Variants in SH2D4B observed in about 807,000 individuals in gnomAD.
SH2D4B encodes SH2 domain containing 4B, also known as SH2 domain-containing protein 4B.
A neutral mutation model predicts 61.5 loss-of-function variants in SH2D4B; 45 were observed. The observed-to-expected ratio is 0.73, with a 90% confidence interval of 0.58 to 0.94. The LOEUF is 0.94. SH2D4B is among the 40% of genes least tolerant of loss of function. The pLI is 0.00. For missense variants in SH2D4B, 572 were observed against 574.2 expected (o/e 1.00, Z 0.04); for synonymous variants, 224 against 220.4 (o/e 1.02, Z -0.14).
At chr10:80,556,231 A>G (rs931664317) in intron 1 of SH2D4B, among the ~76,000 whole-genome samples, 2 of 152,140 alleles carry the variant, frequency 1.3e-5, no homozygotes, top group African/African-American at 4.8e-5. Context: ...GTTGAAAAGC[A>G]ATTGACCATG....
In SH2D4B at chr10:80,588,904, G is replaced by A. The variant is rs149983778; in HGVS notation, c.643+127G>A. On this transcript the variant is annotated intron_variant, in intron 4 of 7. Transcript: ENST00000646907. The stretch of plus-strand genomic sequence containing the variant: ...ACCCCATCAGCCTTTACTTGGACCC[G>A]GCCATGTGCTCAGTCCTGCTAAGAA... The A allele has an allele frequency of 2.2e-4, 254 of 1,155,762 alleles. 1 individual carries two copies. In the East Asian group the frequency reaches 5.2e-3, roughly 23 times the overall value. The allele number at this position is 1,155,762 out of a possible 1,614,324, so 71.6% of individuals were successfully genotyped here.
chr10:80,609,201 G>A (rs143263078), intron 5 of SH2D4B, among the ~76,000 whole-genome samples: 162 of 152,122 alleles, frequency 1.1e-3, no homozygotes, highest in African/African-American at 3.6e-3. Context: ...AAATGCCTTC[G>A]AGTACCTGGG....
rs190444726 is a variant in SH2D4B, at chr10:80,596,464, C to T, written c.644-7115C>T. Reference sequence around the variant, plus strand: ...TCAGGCTCAGACTCAATAGGGAGGTCGGGGCATCAGGCGCAAATGAAGGCT... The same window carrying T: ...TCAGGCTCAGACTCAATAGGGAGGTTGGGGCATCAGGCGCAAATGAAGGCT... On this transcript the variant is annotated intron_variant, in intron 4 of 7. Coordinates refer to ENST00000646907, the MANE Select transcript of SH2D4B (RefSeq NM_001388272.1). Among the ~76,000 whole-genome samples the T allele has an allele frequency of 7.4e-4, 112 of 152,268 alleles. 1 individual carries two copies. The highest frequency in any genetic ancestry group is 2.6e-3 in the African/African-American group (107 of 41,566).
At chr10:80,571,625 C>G (rs752971802) in intron 3 of SH2D4B, 47 bp downstream of exon 3, 1 of 1,605,328 alleles carries the variant, frequency 6.2e-7, no homozygotes, top group East Asian at 2.2e-5. Context: ...TAATTAGCCC[C>G]TGAGACCACT....
At chr10:80,568,091 C>CT (rs1192521361) in intron 1 of SH2D4B, among the ~76,000 whole-genome samples, 4,455 of 145,064 alleles carry the variant, frequency 0.031, 73 homozygotes, top group Middle Eastern at 0.056. Context: ...AGAGATCACA[C>CT]TTTTTTTTTT....
At chr10:80,622,280 A>G (rs1842722853) in intron 6 of SH2D4B, among the ~76,000 whole-genome samples, 1 of 152,168 alleles carries the variant, frequency 6.6e-6, no homozygotes, top group Non-Finnish European at 1.5e-5. Flanking sequence ...GTTCTTATGT[A>G]TACATTGTGT....
chr10:80,588,545 A>G, intron 3 of SH2D4B, 85 bp from the exon 4 acceptor site: 3 of 1,551,960 alleles, frequency 1.9e-6, no homozygotes, highest in Non-Finnish European at 2.6e-6. Flanking sequence ...AGCCCCATCC[A>G]CTGCAGAATC....
chr10:80,609,807 A>G (rs1232429949), intron 6 of SH2D4B, among the ~76,000 whole-genome samples: 1 of 152,136 alleles, frequency 6.6e-6, no homozygotes, highest in Non-Finnish European at 1.5e-5. Flanking sequence ...TGTAGCCACC[A>G]AGGGCCCCTC....
chr10:80,574,770 G>C (rs143277339), intron 3 of SH2D4B, among the ~76,000 whole-genome samples: 27 of 152,110 alleles, frequency 1.8e-4, no homozygotes, highest in African/African-American at 6.5e-4. Flanking sequence ...GCGCAATCTC[G>C]GCTCACTGAA....
chr10:80,622,899 T>C (rs1185678238), intron 6 of SH2D4B, among the ~76,000 whole-genome samples: 3 of 152,208 alleles, frequency 2.0e-5, no homozygotes, highest in Non-Finnish European at 4.4e-5. Flanking sequence ...TACCTGAGAC[T>C]GGATAATTTT....
chr10:80,560,424 AT>A (rs1285129701), intron 1 of SH2D4B, among the ~76,000 whole-genome samples: 3 of 151,090 alleles, frequency 2.0e-5, no homozygotes, highest in Admixed American at 6.6e-5. Flanking sequence ...CTTTGGTATA[AT>A]GGCATGATTA....
At chr10:80,550,982 G>T (rs1841752945) in intron 1 of SH2D4B, among the ~76,000 whole-genome samples, 1 of 152,230 alleles carries the variant, frequency 6.6e-6, no homozygotes, top group Admixed American at 6.5e-5. Context: ...TGTTGGGGGA[G>T]AGTGAAGCCT....
chr10:80,632,811 T>C (rs1423437618), intron 6 of SH2D4B, among the ~76,000 whole-genome samples: 2 of 152,014 alleles, frequency 1.3e-5, no homozygotes, highest in Admixed American at 1.3e-4. Flanking sequence ...GGGTGCATCC[T>C]CCCTCTTGCA....
At chr10:80,544,784 A>G (rs1296251287) in intron 1 of SH2D4B, among the ~76,000 whole-genome samples, 2 of 152,192 alleles carry the variant, frequency 1.3e-5, no homozygotes, top group African/African-American at 4.8e-5. Context: ...TGGACACACG[A>G]GTTAGCTCAC....
chr10:80,629,760 TCAAA>T (rs1227584016), intron 6 of SH2D4B, among the ~76,000 whole-genome samples: 3 of 152,254 alleles, frequency 2.0e-5, no homozygotes, highest in Admixed American at 2.0e-4. Flanking sequence ...TTATTCATTC[TCAAA>T]CAGCCGTAAG....
intron 1 of SH2D4B, among the ~76,000 whole-genome samples, chr10:80,568,645 A>C (rs1177504930): frequency 2.0e-5 from 3 of 152,226 alleles, no homozygotes; most frequent in Admixed American, 6.5e-5. Flanking sequence ...GTGCTCTGTC[A>C]TACAAAACCT....
chr10:80,635,749 A>G (rs1842891618), intron 7 of SH2D4B, among the ~76,000 whole-genome samples: 1 of 152,124 alleles, frequency 6.6e-6, no homozygotes, highest in Non-Finnish European at 1.5e-5. Flanking sequence ...GCTCTTATTT[A>G]ATCTTACCAA....
intron 7 of SH2D4B, among the ~76,000 whole-genome samples, chr10:80,635,947 C>G (rs1840157746): frequency 6.6e-6 from 1 of 152,180 alleles, no homozygotes; most frequent in Non-Finnish European, 1.5e-5. Flanking sequence ...ATCACTCCCC[C>G]TTCCCCCAAC....
intron 5 of SH2D4B, among the ~76,000 whole-genome samples, chr10:80,604,791 G>GTTTTTT (rs34202612): frequency 1.3e-5 from 2 of 148,208 alleles, no homozygotes; most frequent in Non-Finnish European, 1.5e-5. Context: ...ACTGTTCTTA[G>GTTTTTT]TTTTTTTTTT....
Sources: gnomAD v4.1 joint callset for allele counts (sites outside exome capture counted in the v4.1 genomes callset) on GRCh38, gnomAD v4.1.1 for gene constraint, MANE v1.5 for transcripts, NCBI Gene and HGNC (gene_info 2026-07-23, HGNC 2026-07-21) for gene names.